EYA4: variants seen among roughly 807,000 people sequenced by gnomAD.
EYA4 encodes the protein protein phosphatase EYA4.
In EYA4, 31 loss-of-function variants were observed where a neutral mutation model predicts 87.9. That is an observed-to-expected ratio of 0.35 (90% CI 0.27 to 0.48). The LOEUF is 0.48. Ranked by LOEUF, EYA4 falls within the 20% of genes least tolerant of loss-of-function variation. EYA4 has a pLI of 0.99. For missense variants in EYA4, 678 were observed against 761.4 expected, an observed-to-expected ratio of 0.89 and a Z score of 1.29; for synonymous variants, 263 against 270.6, an observed-to-expected ratio of 0.97 and a Z score of 0.28.
rs573891738 is a variant in EYA4 at position 133,279,180 on chromosome 6, T to C, written c.33+4367T>C. The stretch of plus-strand genomic sequence containing the variant: ...GCCAGCAGGTTTGAAAAGAAATATA[T>C]TTTATTAATGTTAAGTATTGTATGT... On this transcript the variant is annotated intron_variant, in intron 2 of 19. Transcript: ENST00000355286. 2.6e-5 allele frequency among the ~76,000 whole-genome samples: 4 copies of C among 152,290 alleles called. No individual in the cohort carries two copies. In the South Asian group the frequency reaches 6.2e-4, roughly 24 times the overall value.
At chr6:133,310,785 C>T (rs1398388029) in intron 2 of EYA4, among the ~76,000 whole-genome samples, 1 of 152,060 alleles carries the variant, frequency 6.6e-6, no homozygotes, top group East Asian at 1.9e-4. Context: ...AATCAAAAAT[C>T]CAAAAATGGA....
intron 13 of EYA4, among the ~76,000 whole-genome samples, chr6:133,484,464 A>G (rs985925710): frequency 2.0e-5 from 3 of 152,236 alleles, no homozygotes; most frequent in African/African-American, 7.2e-5. Flanking sequence ...AGTATAGGTA[A>G]TGAGGTAATG....
intron 2 of EYA4, among the ~76,000 whole-genome samples, chr6:133,325,807 T>C (rs1781457942): frequency 6.6e-6 from 1 of 152,160 alleles, no homozygotes; most frequent in Non-Finnish European, 1.5e-5. Context: ...AAAGCAGCCA[T>C]CCACGAGATG....
In EYA4 at chr6:133,433,730, G is replaced by A. The variant is rs554848036; in HGVS notation, c.84-12900G>A. Among the ~76,000 whole-genome samples the A allele has an allele frequency of 2.5e-4, 38 of 152,312 alleles. No individual in the cohort carries two copies. In the South Asian group the frequency reaches 7.3e-3, roughly 29 times the overall value. On this transcript the variant is annotated intron_variant, in intron 3 of 19. Coordinates refer to ENST00000355286, the MANE Select transcript of EYA4 (RefSeq NM_004100.5). ...AGATAGGAACTTCACTGGGAAAGAG[G>A]ACATTGAACAGCAGAATCAGAATCT...
chr6:133,514,251 A>G (rs756930438), intron 16 of EYA4, among the ~76,000 whole-genome samples: 2 of 152,202 alleles, frequency 1.3e-5, no homozygotes, highest in Admixed American at 6.5e-5. Flanking sequence ...TGCTCTGTAC[A>G]TGATGCTTTT....
intron 3 of EYA4, among the ~76,000 whole-genome samples, chr6:133,411,222 C>T (rs1026204760): frequency 9.2e-5 from 14 of 152,156 alleles, no homozygotes; most frequent in Non-Finnish European, 8.8e-5. Context: ...ACTCTATTCT[C>T]TGTAAGACAC....
chr6:133,519,827 A>G (rs1799951870), intron 17 of EYA4, among the ~76,000 whole-genome samples: 3 of 150,712 alleles, frequency 2.0e-5, no homozygotes, highest in Admixed American at 6.6e-5. Flanking sequence ...CCTGGGATGC[A>G]AGGCTGGTTC....
At chr6:133,422,592 A>T (rs1790312547) in intron 3 of EYA4, among the ~76,000 whole-genome samples, 1 of 152,252 alleles carries the variant, frequency 6.6e-6, no homozygotes, top group South Asian at 2.1e-4. Context: ...TGGAGTTGAA[A>T]CAGAAAAGAG....
intron 5 of EYA4, among the ~76,000 whole-genome samples, chr6:133,448,766 T>C (rs1215714550): frequency 3.3e-5 from 5 of 152,180 alleles, no homozygotes. Context: ...ATTAACTGCA[T>C]TCATACCTAC....
chr6:133,495,086 C>T (rs667955), intron 13 of EYA4, among the ~76,000 whole-genome samples: 71,897 of 151,686 alleles, frequency 0.47, 17,206 homozygotes, highest in African/African-American at 0.52. Context: ...CTGGCCAACA[C>T]GGCAAAACCC....
chr6:133,473,306 T>C (rs369374067), intron 11 of EYA4, among the ~76,000 whole-genome samples: 8 of 152,158 alleles, frequency 5.3e-5, no homozygotes, highest in Admixed American at 1.3e-4. Context: ...ATCAGCACTG[T>C]GCTAGAAACT....
At chr6:133,461,382 G>C (rs1794370261) in intron 7 of EYA4, among the ~76,000 whole-genome samples, 1 of 152,026 alleles carries the variant, frequency 6.6e-6, no homozygotes, top group Non-Finnish European at 1.5e-5. Flanking sequence ...GCTCAAATTA[G>C]AATACATTGC....
intron 3 of EYA4, among the ~76,000 whole-genome samples, chr6:133,427,571 G>GA (rs1009561491): frequency 1.6e-4 from 24 of 152,054 alleles, no homozygotes; most frequent in African/African-American, 5.8e-4. Context: ...TTGTTAAAAG[G>GA]AAAAAATTAA....
intron 4 of EYA4, among the ~76,000 whole-genome samples, chr6:133,447,222 A>C (rs1488266349): frequency 6.6e-6 from 1 of 152,202 alleles, no homozygotes; most frequent in Non-Finnish European, 1.5e-5. Flanking sequence ...AAAAATACTC[A>C]TATCTGCTGC....
intron 2 of EYA4, among the ~76,000 whole-genome samples, chr6:133,279,885 G>A (rs1777485446): frequency 6.6e-6 from 1 of 152,090 alleles, no homozygotes; most frequent in Admixed American, 6.6e-5. Context: ...ATTTATGACA[G>A]TGTTTAAACA....
At position 133,252,979 on chromosome 6, in the gene EYA4, A is replaced by T. The variant is rs9402495; in HGVS notation, c.-66+11230A>T. On this transcript the variant is annotated intron_variant, in intron 1 of 19. Transcript: ENST00000355286. ...CACACACACACACACACACACACACACACACACACACTCACTCTCTCTCTC... is the reference window on the plus strand; with the variant it reads ...CACACACACACACACACACACACACTCACACACACACTCACTCTCTCTCTC... Among the ~76,000 whole-genome samples the T allele has an allele frequency of 4.5e-3, 446 of 98,358 alleles. 4 individuals are homozygous for T. Among genetic ancestry groups the T allele is most frequent in the East Asian group, 0.02 (53 of 2,702 alleles). 64.5% of individuals were successfully genotyped at this position (98,358 alleles called of 152,430 possible). A position where few individuals can be genotyped will look rare whatever the true frequency, so the allele number is the denominator to read the frequency against.
At chr6:133,380,161 T>G (rs1786060034) in intron 2 of EYA4, among the ~76,000 whole-genome samples, 1 of 152,196 alleles carries the variant, frequency 6.6e-6, no homozygotes, top group East Asian at 1.9e-4. Context: ...ATCCTAAATA[T>G]TATTCTTCTC....
chr6:133,265,406 A>G (rs1363910942), intron 1 of EYA4, among the ~76,000 whole-genome samples: 1 of 152,082 alleles, frequency 6.6e-6, no homozygotes, highest in Non-Finnish European at 1.5e-5. Context: ...ATTGGCTCAT[A>G]AAACAGCATG....
At chr6:133,310,706 C>G (rs1487820977) in intron 2 of EYA4, among the ~76,000 whole-genome samples, 7 of 152,092 alleles carry the variant, frequency 4.6e-5, no homozygotes, top group Non-Finnish European at 1.0e-4. Context: ...GTGAAAAACG[C>G]TGAAAAGAAA....
Sources: gnomAD v4.1 joint callset for allele counts (sites outside exome capture counted in the v4.1 genomes callset) on GRCh38, gnomAD v4.1.1 for gene constraint, MANE v1.5 for transcripts, NCBI Gene and HGNC (gene_info 2026-07-23, HGNC 2026-07-21) for gene names.